Variants in FNBP1L observed in about 807,000 individuals in gnomAD.
FNBP1L encodes the protein formin-binding protein 1-like.
Under a neutral mutation model 91.2 loss-of-function variants are expected in FNBP1L, and 36 were observed. That is an observed-to-expected ratio of 0.39 (90% CI 0.30 to 0.52). The LOEUF (loss-of-function observed/expected upper bound fraction) is 0.52. FNBP1L is among the 20% of genes least tolerant of loss of function. The pLI is 0.66. For synonymous variants in FNBP1L, 242 were observed against 237.0 expected (o/e 1.02, Z -0.19); for missense variants, 571 against 732.1 (o/e 0.78, Z 2.54).
chr1:93,496,470 G>A (rs559424268), intron 1 of FNBP1L, among the ~76,000 whole-genome samples: 1 of 152,016 alleles, frequency 6.6e-6, no homozygotes, highest in African/African-American at 2.4e-5. Flanking sequence ...CAGTGATCAC[G>A]GCTCACTGCA....
intron 10 of FNBP1L, among the ~76,000 whole-genome samples, chr1:93,539,528 A>G (rs1029806161): frequency 1.3e-5 from 2 of 152,058 alleles, no homozygotes; most frequent in African/African-American, 4.8e-5. Flanking sequence ...AACATTTGAT[A>G]TTTCAGCTAT....
chr1:93,533,071 A>G lies in FNBP1L; in HGVS notation c.786+3A>G. 6.3e-7 allele frequency: 1 copy of G among 1,576,378 alleles called. No individual in the cohort carries two copies. The highest frequency in any genetic ancestry group is 8.6e-7 in the Non-Finnish European group (1 of 1,157,310). ...CAAAATCAGTTGATGAAAGAAGAGT[A>G]AGTGCTAAATAATTATCTTTGAATG... On this transcript the variant is annotated splice_donor_region_variant and intron_variant, in intron 8 of 16. Transcript: ENST00000271234.
chr1:93,506,430 C>T (rs1005337279), intron 2 of FNBP1L, among the ~76,000 whole-genome samples: 8 of 152,102 alleles, frequency 5.3e-5, no homozygotes, highest in African/African-American at 1.9e-4. Flanking sequence ...AAAGGGATCT[C>T]GTTGGCCCAG....
At chr1:93,533,780 A>AT (rs1386779904) in intron 8 of FNBP1L, among the ~76,000 whole-genome samples, 2 of 152,080 alleles carry the variant, frequency 1.3e-5, no homozygotes, top group Non-Finnish European at 2.9e-5. Flanking sequence ...AGAAAAGAGG[A>AT]TTTTTGGCTT....
chr1:93,535,843 G>A (rs923839818), intron 9 of FNBP1L, among the ~76,000 whole-genome samples: 2 of 151,746 alleles, frequency 1.3e-5, no homozygotes, highest in Non-Finnish European at 2.9e-5. Context: ...GGTGAAATAA[G>A]GATGAAATAG....
Position 93,554,296 on chromosome 1 carries a change from T to C in FNBP1L, c.*1880T>C, listed in dbSNP as rs1010976469. The C allele has an allele frequency of 6.6e-6, 1 of 152,622 alleles. No homozygotes were observed. Among genetic ancestry groups the C allele is most frequent in the Non-Finnish European group, 1.5e-5 (1 of 68,036 alleles). 9.5% of individuals were successfully genotyped at this position (152,622 alleles called of 1,614,324 possible). A position where few individuals can be genotyped will look rare whatever the true frequency, so the allele number is the denominator to read the frequency against. On this transcript the variant is annotated 3_prime_UTR_variant, in exon 17 of 17. Coordinates refer to ENST00000271234, the MANE Select transcript of FNBP1L (RefSeq NM_001164473.3). ...TGTACAAAGCCTGAAGTGCTTATGG[T>C]TTTTTGGCTAACAGCCACAGAGGGC... is the stretch of plus-strand genomic sequence containing the variant.
intron 1 of FNBP1L, among the ~76,000 whole-genome samples, chr1:93,470,397 G>C (rs1277405331): frequency 6.6e-6 from 1 of 152,098 alleles, no homozygotes; most frequent in East Asian, 1.9e-4. Flanking sequence ...TAAAGTGCTG[G>C]GATTACAGGC....
intron 15 of FNBP1L, 103 bp from the exon 16 acceptor site, chr1:93,550,844 A>G (rs924363990): frequency 1.1e-4 from 131 of 1,163,320 alleles, no homozygotes; most frequent in Non-Finnish European, 1.4e-4. Flanking sequence ...TTCCAGGTAC[A>G]TTGAAATCTA....
In FNBP1L at chr1:93,522,115, A is replaced by C. The variant is rs539979271; in HGVS notation, c.174A>C (p.Ser58=). ...NLVKKYCPKR[S]SKDEEPRFTS... is the part of the protein sequence containing the mutation. ...TTAAGAAGTACTGCCCCAAACGTTCATCCAAAGATGAAGAGCCACGGTAAA... is the reference window on the plus strand; with the variant it reads ...TTAAGAAGTACTGCCCCAAACGTTCCTCCAAAGATGAAGAGCCACGGTAAA... Residue 58 remains serine (S), a synonymous_variant, in exon 3 of 17, where the codon TCA becomes TCC. Coordinates refer to ENST00000271234, the MANE Select transcript of FNBP1L (RefSeq NM_001164473.3). 26 of 1,516,456 alleles carry C rather than the reference A, an allele frequency of 1.7e-5. No homozygotes were observed. The East Asian group carries it at 5.9e-4, about 34-fold the overall frequency. The allele number at this position is 1,516,456 out of a possible 1,614,324, so 93.9% of individuals were successfully genotyped here.
chr1:93,468,718 A>G (rs1165230119), intron 1 of FNBP1L, among the ~76,000 whole-genome samples: 1 of 152,180 alleles, frequency 6.6e-6, no homozygotes, highest in Non-Finnish European at 1.5e-5. Flanking sequence ...GGTGTAAGCC[A>G]CTACACCTGG....
intron 1 of FNBP1L, among the ~76,000 whole-genome samples, chr1:93,479,084 C>G (rs1237378588): frequency 6.6e-6 from 1 of 152,228 alleles, no homozygotes; most frequent in Non-Finnish European, 1.5e-5. Flanking sequence ...TCCCTGTCGG[C>G]CGGTCTGAGA....
chr1:93,514,953 A>G (rs1370850408), intron 2 of FNBP1L, among the ~76,000 whole-genome samples: 1 of 152,242 alleles, frequency 6.6e-6, no homozygotes, highest in Non-Finnish European at 1.5e-5. Context: ...CTGCACAGCA[A>G]AAGAAACTAC....
At chr1:93,474,010 C>T (rs773978267) in intron 1 of FNBP1L, among the ~76,000 whole-genome samples, 28 of 152,186 alleles carry the variant, frequency 1.8e-4, no homozygotes, top group Non-Finnish European at 3.4e-4. Flanking sequence ...TTTGGGAGGC[C>T]GAGGCTGGTG....
chr1:93,453,293 T>C (rs1668555106), intron 1 of FNBP1L, among the ~76,000 whole-genome samples: 1 of 152,214 alleles, frequency 6.6e-6, no homozygotes, highest in African/African-American at 2.4e-5. Flanking sequence ...TCTGTTTATG[T>C]CACCATTCCA....
rs1671652528 is a variant in FNBP1L at position 93,530,894 on chromosome 1, G to C, written c.639+11G>C. 1 of 1,519,696 alleles carries C rather than the reference G, an allele frequency of 6.6e-7. No homozygotes were observed. The highest frequency in any genetic ancestry group is 1.4e-5 in the African/African-American group (1 of 71,640). The allele number at this position is 1,519,696 out of a possible 1,614,324, so 94.1% of individuals were successfully genotyped here. ...CCTCAGATTTACAAGGTAAATCTTAGATATGAAGTTAATCTAGTTTTAGAT... is the reference window on the plus strand; with the variant it reads ...CCTCAGATTTACAAGGTAAATCTTACATATGAAGTTAATCTAGTTTTAGAT... On this transcript the variant is annotated intron_variant, in intron 7 of 16. Coordinates refer to ENST00000271234, the MANE Select transcript of FNBP1L (RefSeq NM_001164473.3).
chr1:93,527,613 A>G (rs1671532701), intron 5 of FNBP1L, among the ~76,000 whole-genome samples: 1 of 152,124 alleles, frequency 6.6e-6, no homozygotes, highest in African/African-American at 2.4e-5. Context: ...GCTTATAAAA[A>G]CTGCTGCCAG....
chr1:93,531,466 A>G (rs1446696011), intron 7 of FNBP1L, among the ~76,000 whole-genome samples: 6 of 152,202 alleles, frequency 3.9e-5, no homozygotes, highest in African/African-American at 1.4e-4. Flanking sequence ...CTGTTCTAGA[A>G]AGAAGAGAAA....
intron 14 of FNBP1L, 57 bp downstream of exon 14, chr1:93,547,498 TC>T: frequency 7.1e-7 from 1 of 1,413,654 alleles, no homozygotes; most frequent in Non-Finnish European, 9.7e-7. Context: ...CACCCTTTTG[TC>T]CTAAACTTTA....
intron 2 of FNBP1L, among the ~76,000 whole-genome samples, chr1:93,513,426 A>G (rs868017001): frequency 1.8e-4 from 28 of 152,102 alleles, no homozygotes; most frequent in Middle Eastern, 3.2e-3. Context: ...TTATGAGGCC[A>G]GCATCATCCT....
Sources: allele counts gnomAD v4.1 joint callset (sites outside exome capture counted in the v4.1 genomes callset), GRCh38; gene constraint gnomAD v4.1.1; transcripts MANE v1.5; gene names NCBI Gene and HGNC (gene_info 2026-07-23, HGNC 2026-07-21).